Variants in TLL1 observed in about 807,000 individuals in gnomAD.
TLL1 encodes tolloid like 1.
TLL1 carries 49 observed loss-of-function variants against 128.2 expected under a neutral mutation model. The ratio of observed to expected loss-of-function variants is 0.38; its 90% CI spans 0.30 to 0.48. The LOEUF (loss-of-function observed/expected upper bound fraction) is 0.48. TLL1 is among the 20% of genes least tolerant of loss of function. TLL1 has a pLI of 0.96. For synonymous variants in TLL1, 454 were observed against 418.8 expected, an observed-to-expected ratio of 1.08 and a Z score of -1.03; for missense variants, 1,123 against 1,242.0, an observed-to-expected ratio of 0.90 and a Z score of 1.44.
chr4:166,019,853 A>G (rs1168933444), intron 8 of TLL1, among the ~76,000 whole-genome samples: 1 of 152,186 alleles, frequency 6.6e-6, no homozygotes, highest in South Asian at 2.1e-4. Flanking sequence ...ATTTATTCAT[A>G]TATGCCAAAA....
intron 6 of TLL1, among the ~76,000 whole-genome samples, chr4:166,005,914 T>C (rs764590730): frequency 1.4e-4 from 22 of 151,986 alleles, no homozygotes; most frequent in Non-Finnish European, 2.2e-4. Context: ...AAGGAAATTA[T>C]GGTTTGTAAT....
intron 12 of TLL1, among the ~76,000 whole-genome samples, chr4:166,049,047 A>C (rs1451116481): frequency 6.6e-6 from 1 of 152,224 alleles, no homozygotes; most frequent in African/African-American, 2.4e-5. Context: ...CGAGATAAGG[A>C]GGTTTTAATT....
At chr4:165,904,643 A>G (rs928011947) in intron 1 of TLL1, among the ~76,000 whole-genome samples, 1 of 152,240 alleles carries the variant, frequency 6.6e-6, no homozygotes, top group Non-Finnish European at 1.5e-5. Flanking sequence ...CTTAATTCAT[A>G]AAAGCACCAT....
At position 166,101,554 on chromosome 4, in the gene TLL1, G is replaced by T. The variant is rs1047402202; in HGVS notation, c.*678G>T. ...ATCTCAATGGTGTCTAATTATTGCA[G>T]TTAAATTCTAGACATCAGTTCTTTA... On this transcript the variant is annotated 3_prime_UTR_variant, in exon 21 of 21. Coordinates refer to ENST00000061240, the MANE Select transcript of TLL1 (RefSeq NM_012464.5). The T allele has an allele frequency of 3.3e-5, 5 of 152,314 alleles. No homozygotes were observed. Among genetic ancestry groups the T allele is most frequent in the African/African-American group, 1.2e-4 (5 of 41,446 alleles). 9.4% of individuals were successfully genotyped at this position (152,314 alleles called of 1,614,324 possible).
intron 1 of TLL1, among the ~76,000 whole-genome samples, chr4:165,917,341 T>C (rs1732829311): frequency 6.6e-6 from 1 of 152,120 alleles, no homozygotes; most frequent in African/African-American, 2.4e-5. Context: ...TGGAGTCAAG[T>C]CTGCCTTAGG....
chr4:165,933,075 C>T (rs925850652), intron 1 of TLL1, among the ~76,000 whole-genome samples: 1 of 152,192 alleles, frequency 6.6e-6, no homozygotes, highest in African/African-American at 2.4e-5. Flanking sequence ...ATGTGCAAAA[C>T]CAATACTCTA....
chr4:165,910,095 G>C (rs1461698690), intron 1 of TLL1, among the ~76,000 whole-genome samples: 1 of 152,128 alleles, frequency 6.6e-6, no homozygotes, highest in African/African-American at 2.4e-5. Context: ...GTGGTGAAAA[G>C]CACTAGCTGA....
chr4:166,029,522 C>T (rs1738659135), intron 9 of TLL1, among the ~76,000 whole-genome samples: 1 of 151,948 alleles, frequency 6.6e-6, no homozygotes, highest in Non-Finnish European at 1.5e-5. Flanking sequence ...GTAAAAACTA[C>T]ATAGCATAAA....
Position 166,099,284 on chromosome 4 carries a change from C to T in TLL1, c.2664C>T (p.Gly888=), listed in dbSNP as rs149558181. The change falls in exon 20 of 21, where the codon GGC becomes GGT. Residue 888 remains glycine, a synonymous_variant. Coordinates refer to ENST00000061240, the MANE Select transcript of TLL1 (RefSeq NM_012464.5). ...TTTTTCTTTCCTGGGCAGAGTGTGG[C>T]GGACGATTGAAAGCAGAATCAAAAC... ...GFQATHSTEC[G]GRLKAESKPR... The T allele has an allele frequency of 2.4e-5, 38 of 1,613,336 alleles. 1 individual carries two copies. Among genetic ancestry groups the T allele is most frequent in the African/African-American group, 1.9e-4 (14 of 74,852 alleles).
intron 1 of TLL1, among the ~76,000 whole-genome samples, chr4:165,891,074 C>A (rs1190060459): frequency 6.6e-6 from 1 of 152,156 alleles, no homozygotes; most frequent in East Asian, 1.9e-4. Flanking sequence ...GAAGCAATGG[C>A]CTGAGCTGCA....
intron 9 of TLL1, chr4:166,030,528 C>G: frequency 1.6e-6 from 1 of 609,114 alleles, no homozygotes; most frequent in Non-Finnish European, 3.0e-6. Context: ...CACTTGTCTA[C>G]TTTTAGTTTT....
intron 1 of TLL1, among the ~76,000 whole-genome samples, chr4:165,937,740 G>A (rs1487490723): frequency 6.6e-6 from 1 of 151,776 alleles, no homozygotes; most frequent in Non-Finnish European, 1.5e-5. Flanking sequence ...TTAATGTTAT[G>A]AGCAGTTTTT....
intron 1 of TLL1, among the ~76,000 whole-genome samples, chr4:165,980,651 T>A (rs1413194391): frequency 2.0e-5 from 3 of 152,092 alleles, no homozygotes; most frequent in African/African-American, 7.2e-5. Context: ...AGTCTATTTT[T>A]AATATTCAAA....
chr4:166,033,608 C>T (rs927274818), intron 9 of TLL1, among the ~76,000 whole-genome samples: 16 of 152,122 alleles, frequency 1.1e-4, no homozygotes, highest in Non-Finnish European at 2.9e-5. Context: ...GAACTGTATA[C>T]ATAAGTATGG....
At chr4:165,936,208 T>TATA (rs1378597046) in intron 1 of TLL1, among the ~76,000 whole-genome samples, 8 of 136,638 alleles carry the variant, frequency 5.9e-5, no homozygotes, top group African/African-American at 2.2e-4. Flanking sequence ...ATATATATAT[T>TATA]TTTTTTTCTT....
At chr4:166,005,722 A>C (rs991336153) in intron 6 of TLL1, among the ~76,000 whole-genome samples, 1 of 150,728 alleles carries the variant, frequency 6.6e-6, no homozygotes, top group African/African-American at 2.4e-5. Context: ...ACCAAGAATT[A>C]TTCGTGTTTT....
At chr4:166,096,024 T>A (rs1295023165) in intron 19 of TLL1, among the ~76,000 whole-genome samples, 2 of 152,128 alleles carry the variant, frequency 1.3e-5, no homozygotes, top group Non-Finnish European at 2.9e-5. Context: ...CCGGGAGGAT[T>A]CTGGAAAACA....
chr4:165,904,001 A>G (rs1732135044), intron 1 of TLL1, among the ~76,000 whole-genome samples: 3 of 152,136 alleles, frequency 2.0e-5, no homozygotes, highest in Admixed American at 6.5e-5. Context: ...TTATACGTTT[A>G]ACAAACGCTA....
At chr4:165,904,839 A>G (rs1313591509) in intron 1 of TLL1, among the ~76,000 whole-genome samples, 1 of 152,240 alleles carries the variant, frequency 6.6e-6, no homozygotes, top group African/African-American at 2.4e-5. Context: ...AAAAATAAGC[A>G]ATGTATTTAA....
Sources: allele counts gnomAD v4.1 joint callset (sites outside exome capture counted in the v4.1 genomes callset), GRCh38; gene constraint gnomAD v4.1.1; transcripts MANE v1.5; gene names NCBI Gene and HGNC (gene_info 2026-07-23, HGNC 2026-07-21).